Variants in ARAP2 observed in about 807,000 individuals in gnomAD.
The protein encoded by ARAP2 is ArfGAP with RhoGAP domain, ankyrin repeat and PH domain 2.
Under a neutral mutation model 194.5 loss-of-function variants are expected in ARAP2, and 148 were observed. The ratio of observed to expected loss-of-function variants is 0.76; its 90% CI spans 0.67 to 0.87. The LOEUF is 0.87. Ranked by LOEUF, ARAP2 falls within the 40% of genes least tolerant of loss-of-function variation. ARAP2 has a pLI of 0.00. For synonymous variants in ARAP2, 695 were observed against 683.5 expected (o/e 1.02, Z -0.26); for missense variants, 2,128 against 1,989.7 (o/e 1.07, Z -1.32).
At chr4:36,062,113 G>A (rs114894765), downstream of ARAP2, among the ~76,000 whole-genome samples, 1,825 of 152,198 alleles carry the variant, frequency 0.012, 23 homozygotes, top group Non-Finnish European at 0.02. Flanking sequence ...TCACTTTGCT[G>A]GTTGTTCTCT....
chr4:36,162,080 C>CT (rs1455584750), intron 11 of ARAP2, among the ~76,000 whole-genome samples: 1 of 147,894 alleles, frequency 6.8e-6, no homozygotes, highest in African/African-American at 2.5e-5. Context: ...TGCACTCCAG[C>CT]CTGGGCGACA....
chr4:36,038,592 A>G (rs1341564844), intron 5 of ARAP2, among the ~76,000 whole-genome samples: 1 of 152,210 alleles, frequency 6.6e-6, no homozygotes, highest in East Asian at 1.9e-4. Context: ...GTAGATGCAG[A>G]AGGCTTAATC....
intron 19 of ARAP2, among the ~76,000 whole-genome samples, chr4:36,142,185 T>A (rs1323955691): frequency 6.6e-6 from 1 of 151,648 alleles, no homozygotes; most frequent in East Asian, 1.9e-4. Context: ...TCTCTCAACA[T>A]CCCACTACCA....
Position 36,212,396 on chromosome 4 carries a change from C to A in ARAP2, c.1133G>T (p.Ser378Ile), listed in dbSNP as rs1260813202. The A allele has an allele frequency of 2.5e-6, 4 of 1,606,172 alleles. No homozygotes were observed. The highest frequency in any genetic ancestry group is 3.4e-6 in the Non-Finnish European group (4 of 1,173,854). ...ATCATCATCAATCATGATCTCATAC[C>A]TTGATTTGATGATAAAAGAGTTTGT... ...TATNSFIIKS[S>I]IYDNRKEKIS... Residue 378 changes from serine (S) to isoleucine (I), a missense_variant and splice_region_variant, in exon 5 of 33, where the codon AGC (serine) becomes ATC (isoleucine). By Grantham distance (142) the Ser-to-Ile change is moderately radical (BLOSUM62 -2). Coordinates refer to ENST00000303965, the MANE Select transcript of ARAP2 (RefSeq NM_015230.4).
intron 8 of ARAP2, among the ~76,000 whole-genome samples, chr4:36,185,032 T>C (rs532608053): frequency 6.6e-6 from 1 of 152,324 alleles, no homozygotes; most frequent in East Asian, 1.9e-4. Context: ...GCACACTTTG[T>C]CTTTGAAAAT....
intron 28 of ARAP2, among the ~76,000 whole-genome samples, chr4:36,088,562 T>C (rs1712578863): frequency 1.3e-5 from 2 of 152,168 alleles, no homozygotes; most frequent in African/African-American, 4.8e-5. Context: ...ATGCAGTATA[T>C]AATATGAATC....
At chr4:36,208,929 G>A (rs1212501248) in intron 6 of ARAP2, among the ~76,000 whole-genome samples, 1 of 152,074 alleles carries the variant, frequency 6.6e-6, no homozygotes, top group Non-Finnish European at 1.5e-5. Flanking sequence ...CCTTAGGCAG[G>A]TTCAGAATAG....
intron 30 of ARAP2, 22 bp from the exon 31 acceptor site, chr4:36,080,301 CTA>C (rs1729216232): frequency 1.3e-6 from 2 of 1,593,500 alleles, no homozygotes; most frequent in Admixed American, 1.7e-5. Flanking sequence ...GGTTTATAAA[CTA>C]TGTCATTCAA....
chr4:36,031,324 T>G lies in ARAP2; in HGVS notation n.608-12038A>C, dbSNP rs555817232. 5.9e-5 allele frequency among the ~76,000 whole-genome samples: 9 copies of G among 152,330 alleles called. No homozygotes were observed. The South Asian group carries it at 1.9e-3, about 32-fold the overall frequency. On this transcript the variant is annotated intron_variant and non_coding_transcript_variant, in intron 5 of 12. Transcript: ENST00000503225. ...TTGTATACAACCATTCCCCATGAAA[T>G]ACATTATGATAGATAAATAAAACTG...
intron 1 of ARAP2, among the ~76,000 whole-genome samples, chr4:36,058,589 TTTTA>T (rs1723907042): frequency 6.6e-6 from 1 of 152,196 alleles, no homozygotes; most frequent in Non-Finnish European, 1.5e-5. Context: ...TTGTTTTTGT[TTTTA>T]TTTTTTATTT....
At chr4:36,171,620 T>A (rs1297662962) in intron 9 of ARAP2, among the ~76,000 whole-genome samples, 2 of 151,978 alleles carry the variant, frequency 1.3e-5, no homozygotes, top group Non-Finnish European at 2.9e-5. Context: ...TGTATACATA[T>A]GTAACTAACC....
At chr4:36,157,013 A>T (rs1047532539) in intron 15 of ARAP2, among the ~76,000 whole-genome samples, 3 of 152,330 alleles carry the variant, frequency 2.0e-5, no homozygotes, top group African/African-American at 7.2e-5. Context: ...AAGTAAATTT[A>T]AAAACCAATC....
intron 3 of ARAP2, chr4:36,047,006 A>T (rs1213365011): frequency 6.6e-6 from 1 of 152,202 alleles, no homozygotes; most frequent in Non-Finnish European, 1.5e-5. Context: ...TCCTCTAGAG[A>T]TCCCATCCAT....
At chr4:36,025,202 T>C (rs1577573510) in intron 5 of ARAP2, among the ~76,000 whole-genome samples, 1 of 152,150 alleles carries the variant, frequency 6.6e-6, no homozygotes, top group African/African-American at 2.4e-5. Context: ...CTTTAAGAAG[T>C]AAGTGGCTTA....
intron 27 of ARAP2, among the ~76,000 whole-genome samples, chr4:36,093,989 C>T (rs1475387228): frequency 1.3e-5 from 2 of 152,136 alleles, no homozygotes; most frequent in Non-Finnish European, 2.9e-5. Context: ...ACTAGAGAAG[C>T]CCCCTCACAT....
chr4:36,114,304 A>AT lies in ARAP2; in HGVS notation c.4039-18dup, dbSNP rs1178036335. On this transcript the variant is annotated splice_polypyrimidine_tract_variant and intron_variant, in intron 25 of 32. Transcript: ENST00000303965. ...AGGAGATATCTGTAAGAGAAGTAAT[A>AT]TTTTTTCAAAAAACGTGTTAGACAC... 2.0e-6 allele frequency: 3 copies of AT among 1,511,888 alleles called. No homozygotes were observed. The highest frequency in any genetic ancestry group is 2.3e-5 in the East Asian group (1 of 43,732). 93.7% of individuals were successfully genotyped at this position (1,511,888 alleles called of 1,614,324 possible). A position where few individuals can be genotyped will look rare whatever the true frequency, so the allele number is the denominator to read the frequency against.
chr4:36,243,745 T>C (rs936732701), intron 1 of ARAP2: 2 of 152,232 alleles, frequency 1.3e-5, no homozygotes, highest in Admixed American at 1.3e-4. Context: ...AGCCAAATGA[T>C]CGTAATTAAA....
At chr4:36,185,274 T>A (rs1740262192) in intron 8 of ARAP2, among the ~76,000 whole-genome samples, 1 of 152,244 alleles carries the variant, frequency 6.6e-6, no homozygotes, top group South Asian at 2.1e-4. Context: ...CTAAGAAACT[T>A]TTTTTATGTT....
intron 19 of ARAP2, among the ~76,000 whole-genome samples, chr4:36,139,977 C>T (rs765213960): frequency 1.5e-4 from 23 of 151,578 alleles, no homozygotes; most frequent in Non-Finnish European, 2.2e-4. Flanking sequence ...CCAACCCATA[C>T]TGAGGTTGTT....
Sources: gnomAD v4.1 joint callset for allele counts (sites outside exome capture counted in the v4.1 genomes callset) on GRCh38, gnomAD v4.1.1 for gene constraint, MANE v1.5 for transcripts, NCBI Gene and HGNC (gene_info 2026-07-23, HGNC 2026-07-21) for gene names.